CHST9: variants seen among roughly 807,000 people sequenced by gnomAD.
CHST9 encodes carbohydrate sulfotransferase 9.
A neutral mutation model predicts 44.4 loss-of-function variants in CHST9; 41 were observed. The observed-to-expected ratio is 0.92, with a 90% CI of 0.72 to 1.20. The LOEUF (loss-of-function observed/expected upper bound fraction) is 1.20. Ranked by LOEUF, CHST9 falls within the 50% of genes most tolerant of loss-of-function variation. The pLI is 0.00. For missense variants in CHST9, 504 were observed against 516.5 expected, an observed-to-expected ratio of 0.98 and a Z score of 0.23; for synonymous variants, 171 against 178.4, an observed-to-expected ratio of 0.96 and a Z score of 0.33.
rs552818103 is a variant in CHST9, at chr18:27,047,818, C to T, written c.160+647G>A. Among the ~76,000 whole-genome samples, 7 of 152,246 alleles carry T rather than the reference C, an allele frequency of 4.6e-5. No homozygotes were observed. In the East Asian group the frequency reaches 5.8e-4, roughly 13 times the overall value. ...TTTCTGGGCACTGTGAGCTGCAACA[C>T]TGCTCCTATGCAAAGATCGACTTGG... On this transcript the variant is annotated intron_variant, in intron 3 of 5. Coordinates refer to ENST00000618847, the MANE Select transcript of CHST9 (RefSeq NM_031422.6).
chr18:27,093,560 G>A (rs1427324160), intron 2 of CHST9, among the ~76,000 whole-genome samples: 1 of 152,238 alleles, frequency 6.6e-6, no homozygotes, highest in East Asian at 1.9e-4. Flanking sequence ...GCCAGGCATG[G>A]GAGAGAATCA....
At chr18:27,171,950 G>T (rs1055873755) in intron 1 of CHST9, among the ~76,000 whole-genome samples, 3 of 152,068 alleles carry the variant, frequency 2.0e-5, no homozygotes, top group African/African-American at 7.2e-5. Context: ...TAGGTAAAAT[G>T]ACCTATTAAA....
intron 2 of CHST9, among the ~76,000 whole-genome samples, chr18:27,126,160 T>TAAA (rs2058422033): frequency 6.6e-6 from 1 of 152,206 alleles, no homozygotes; most frequent in African/African-American, 2.4e-5. Flanking sequence ...GACATTCTGA[T>TAAA]AAAAAACATC....
chr18:27,134,559 T>C (rs949237031), intron 2 of CHST9, among the ~76,000 whole-genome samples: 1 of 152,204 alleles, frequency 6.6e-6, no homozygotes, highest in Non-Finnish European at 1.5e-5. Flanking sequence ...GAATAGAACC[T>C]CGACCTACCA....
intron 4 of CHST9, among the ~76,000 whole-genome samples, chr18:26,962,449 C>T (rs1267676542): frequency 6.6e-6 from 1 of 152,048 alleles, no homozygotes; most frequent in African/African-American, 2.4e-5. Context: ...TGCCACCATG[C>T]CCGGCTAGTT....
chr18:27,043,630 T>C (rs2057468879), intron 3 of CHST9, among the ~76,000 whole-genome samples: 1 of 152,038 alleles, frequency 6.6e-6, no homozygotes, highest in Admixed American at 6.6e-5. Context: ...CAGACCTTCA[T>C]CCTGTTATTC....
At chr18:26,925,554 C>A (rs7242957) in intron 5 of CHST9, among the ~76,000 whole-genome samples, 5,899 of 152,278 alleles carry the variant, frequency 0.039, 388 homozygotes, top group African/African-American at 0.13. Flanking sequence ...CAGGAAAGCA[C>A]CAGGCATATG....
intron 4 of CHST9, among the ~76,000 whole-genome samples, chr18:26,964,936 T>A (rs2056445739): frequency 6.6e-6 from 1 of 152,146 alleles, no homozygotes; most frequent in Non-Finnish European, 1.5e-5. Flanking sequence ...TCTTTCTGCC[T>A]AGTGGTCAGA....
chr18:26,994,586 C>CT (rs1267513155), intron 4 of CHST9, among the ~76,000 whole-genome samples: 1 of 151,860 alleles, frequency 6.6e-6, no homozygotes, highest in African/African-American at 2.4e-5. Context: ...TTTATTGATT[C>CT]TTTTTTTGCG....
intron 3 of CHST9, among the ~76,000 whole-genome samples, chr18:27,039,644 C>T (rs546292740): frequency 1.1e-4 from 16 of 152,062 alleles, no homozygotes; most frequent in Non-Finnish European, 1.9e-4. Flanking sequence ...AACACATAAA[C>T]ATGGTTAAAA....
intron 4 of CHST9, among the ~76,000 whole-genome samples, chr18:26,954,092 A>G (rs2056289012): frequency 1.3e-5 from 2 of 152,090 alleles, no homozygotes; most frequent in Non-Finnish European, 2.9e-5. Flanking sequence ...ATCAAATTGT[A>G]TTTTAATAAG....
intron 2 of CHST9, among the ~76,000 whole-genome samples, chr18:27,100,691 G>GA (rs1463591429): frequency 2.0e-5 from 3 of 152,180 alleles, no homozygotes; most frequent in Non-Finnish European, 4.4e-5. Flanking sequence ...AAATAAAGTT[G>GA]AACAGAGCTC....
chr18:27,053,302 A>G (rs1248927778), intron 2 of CHST9, among the ~76,000 whole-genome samples: 1 of 136,256 alleles, frequency 7.3e-6, no homozygotes, highest in Non-Finnish European at 1.6e-5. Context: ...GAGAAGGAGA[A>G]GGAGAAGGAG....
Position 26,916,062 on chromosome 18 carries a change from G to A in CHST9, c.*197C>T. On this transcript the variant is annotated 3_prime_UTR_variant, in exon 6 of 6. Transcript: ENST00000618847. ...TTCCAAACATTTTAGAGCAACTCAAGTTGTTTACATCTCCTGTAGGTGATT... is the reference window on the plus strand; with the variant it reads ...TTCCAAACATTTTAGAGCAACTCAAATTGTTTACATCTCCTGTAGGTGATT... The A allele has an allele frequency of 2.2e-6, 1 of 460,864 alleles. No homozygotes were observed. The allele number at this position is 460,864 out of a possible 1,614,324, so 28.5% of individuals were successfully genotyped here.
rs439023 is a variant in CHST9 at position 26,915,181 on chromosome 18, A to G, written c.*1078T>C. 1 of 386,842 alleles carries G rather than the reference A, an allele frequency of 2.6e-6. No homozygotes were observed. Among genetic ancestry groups the G allele is most frequent in the Admixed American group, 4.5e-5 (1 of 22,420 alleles). The allele number at this position is 386,842 out of a possible 1,614,324, so 24.0% of individuals were successfully genotyped here. On this transcript the variant is annotated 3_prime_UTR_variant, in exon 6 of 6. Transcript: ENST00000618847. ...AATTTACTTATGCATAAGCCTATTA[A>G]ACACATTTCTAGGGGCTCTTTTTAT...
chr18:26,946,656 T>G (rs372412215), intron 4 of CHST9, among the ~76,000 whole-genome samples: 19 of 152,238 alleles, frequency 1.2e-4, no homozygotes, highest in African/African-American at 4.3e-4. Flanking sequence ...TTTTAGGTCT[T>G]ACGTTTAAGT....
intron 2 of CHST9, among the ~76,000 whole-genome samples, chr18:27,089,684 T>C (rs975097528): frequency 6.6e-6 from 1 of 152,240 alleles, no homozygotes; most frequent in Admixed American, 6.5e-5. Flanking sequence ...ATGGTAATTC[T>C]AGACCTAGAT....
intron 3 of CHST9, among the ~76,000 whole-genome samples, chr18:27,045,393 G>A (rs973249270): frequency 2.6e-5 from 4 of 151,738 alleles, no homozygotes; most frequent in African/African-American, 7.3e-5. Context: ...TTCTAATATC[G>A]AGAATTCCAT....
intron 1 of CHST9, among the ~76,000 whole-genome samples, chr18:27,153,003 T>C (rs1386911748): frequency 2.0e-5 from 3 of 152,146 alleles, no homozygotes; most frequent in South Asian, 2.1e-4. Flanking sequence ...AAGACCATGA[T>C]TGGGATCCAT....
Sources: gnomAD v4.1 joint callset for allele counts (sites outside exome capture counted in the v4.1 genomes callset) on GRCh38, gnomAD v4.1.1 for gene constraint, MANE v1.5 for transcripts, NCBI Gene and HGNC (gene_info 2026-07-23, HGNC 2026-07-21) for gene names.